The following STK39 variants were observed in gnomAD, a reference collection of about 807,000 sequenced individuals.
The protein encoded by STK39 is STE20/SPS1-related proline-alanine-rich protein kinase.
STK39 carries 20 observed loss-of-function variants against 77.8 expected under a neutral mutation model. That is an observed-to-expected ratio of 0.26 (90% CI 0.18 to 0.37). The LOEUF (loss-of-function observed/expected upper bound fraction) is 0.37, where lower values mean the gene tolerates loss of function less well. Among genes scored for constraint, STK39 ranks in the 10% least tolerant of loss-of-function variants. The pLI, the probability that STK39 is intolerant of heterozygous loss-of-function variation, is 1.00. For synonymous variants in STK39, 246 were observed against 234.1 expected (o/e 1.05, Z -0.47); for missense variants, 479 against 656.5 (o/e 0.73, Z 2.95).
intron 1 of STK39, among the ~76,000 whole-genome samples, chr2:168,188,827 A>G (rs1340303944): frequency 3.3e-5 from 5 of 152,250 alleles, no homozygotes; most frequent in African/African-American, 1.2e-4. Flanking sequence ...ACGGTGAGAC[A>G]CACACAACTT....
chr2:168,132,670 T>A (rs930975368), intron 8 of STK39, among the ~76,000 whole-genome samples: 7 of 152,110 alleles, frequency 4.6e-5, no homozygotes, highest in Non-Finnish European at 7.4e-5. Context: ...CAAAGATACC[T>A]CTCCTAGCTC....
intron 16 of STK39, among the ~76,000 whole-genome samples, chr2:167,983,582 C>A (rs1471372418): frequency 6.6e-6 from 1 of 151,754 alleles, no homozygotes; most frequent in Non-Finnish European, 1.5e-5. Context: ...AGGGATGGAG[C>A]CTCTCTCTTT....
intron 1 of STK39, among the ~76,000 whole-genome samples, chr2:168,224,323 A>T (rs1690253211): frequency 6.6e-6 from 1 of 152,172 alleles, no homozygotes; most frequent in South Asian, 2.1e-4. Context: ...GCTTATAAAG[A>T]CCCATCAGCA....
intron 14 of STK39, among the ~76,000 whole-genome samples, chr2:168,039,954 T>C (rs1685061254): frequency 6.6e-6 from 1 of 152,200 alleles, no homozygotes; most frequent in South Asian, 2.1e-4. Flanking sequence ...ATTCAGGCAC[T>C]GCCTCCCTTG....
Position 168,016,741 on chromosome 2 carries a change from A to G in STK39, c.1429+302T>C, listed in dbSNP as rs551198662. Among the ~76,000 whole-genome samples the G allele has an allele frequency of 9.9e-5, 15 of 152,194 alleles. No individual in the cohort carries two copies. The South Asian group carries it at 3.1e-3, about 32-fold the overall frequency. On this transcript the variant is annotated intron_variant, in intron 15 of 17. Coordinates refer to ENST00000355999, the MANE Select transcript of STK39 (RefSeq NM_013233.3). ...CTGTGGTATGCTTCTCATCACATTC[A>G]CCATCATTTCCTTTAGGGCCTGCAT...
intron 15 of STK39, among the ~76,000 whole-genome samples, chr2:168,015,389 T>C (rs1003326061): frequency 1.3e-5 from 2 of 152,230 alleles, no homozygotes; most frequent in Admixed American, 1.3e-4. Flanking sequence ...ACAGCATCAA[T>C]AGTCACAGAG....
intron 12 of STK39, among the ~76,000 whole-genome samples, chr2:168,071,578 C>CT (rs1428452254): frequency 6.6e-6 from 1 of 152,086 alleles, no homozygotes; most frequent in Admixed American, 6.6e-5. Context: ...CTATTGATAG[C>CT]AACTACAAAA....
chr2:168,146,543 G>A (rs2105546480), intron 5 of STK39, among the ~76,000 whole-genome samples: 1 of 152,292 alleles, frequency 6.6e-6, no homozygotes, highest in Admixed American at 6.5e-5. Flanking sequence ...AGGGGACCCT[G>A]AGAGTTCTTT....
At chr2:168,062,598 T>C (rs947948257) in intron 14 of STK39, among the ~76,000 whole-genome samples, 10 of 152,138 alleles carry the variant, frequency 6.6e-5, no homozygotes, top group Admixed American at 5.9e-4. Flanking sequence ...CTATGATAAC[T>C]CAGAGGGGTG....
intron 2 of STK39, among the ~76,000 whole-genome samples, chr2:168,170,996 C>T (rs1688809614): frequency 6.6e-6 from 1 of 152,216 alleles, no homozygotes; most frequent in Non-Finnish European, 1.5e-5. Context: ...AACACATTTG[C>T]CAAAAATATA....
intron 10 of STK39, among the ~76,000 whole-genome samples, chr2:168,127,731 G>C (rs1490494963): frequency 6.6e-6 from 1 of 152,008 alleles, no homozygotes; most frequent in Non-Finnish European, 1.5e-5. Flanking sequence ...AACCACTTTT[G>C]AGCAACTAAG....
chr2:167,964,078 C>A (rs1197678836), intron 17 of STK39, among the ~76,000 whole-genome samples: 1 of 152,206 alleles, frequency 6.6e-6, no homozygotes, highest in African/African-American at 2.4e-5. Context: ...CTCTGTATCT[C>A]TGTGGCCACC....
chr2:168,238,621 CTGTT>C (rs1275571037), intron 1 of STK39, among the ~76,000 whole-genome samples: 2 of 152,212 alleles, frequency 1.3e-5, no homozygotes, highest in South Asian at 2.1e-4. Context: ...TCTCAAATAA[CTGTT>C]TGGCAAGTGA....
At chr2:167,969,659 A>T (rs938809925) in intron 16 of STK39, among the ~76,000 whole-genome samples, 13 of 152,196 alleles carry the variant, frequency 8.5e-5, no homozygotes, top group African/African-American at 2.9e-4. Flanking sequence ...ACATACGCAG[A>T]AACGAATGAC....
chr2:168,130,478 G>A (rs1687651302), intron 8 of STK39, among the ~76,000 whole-genome samples: 1 of 152,134 alleles, frequency 6.6e-6, no homozygotes, highest in South Asian at 2.1e-4. Context: ...TCTTACAGCA[G>A]CACCTCAGAG....
intron 1 of STK39, chr2:168,231,909 G>T: frequency 4.2e-6 from 1 of 235,432 alleles, no homozygotes. Context: ...GGAGGAAGGG[G>T]CCACCCACCA....
chr2:168,134,157 A>T (rs1332512449), intron 8 of STK39, among the ~76,000 whole-genome samples: 1 of 152,224 alleles, frequency 6.6e-6, no homozygotes, highest in Non-Finnish European at 1.5e-5. Flanking sequence ...AAATGCTAAA[A>T]TGTTACCAGC....
At chr2:168,139,408 T>TTATATA (rs71003023) in intron 7 of STK39, among the ~76,000 whole-genome samples, 2 of 144,494 alleles carry the variant, frequency 1.4e-5, no homozygotes, top group African/African-American at 5.3e-5. Flanking sequence ...TAAAAAAAAT[T>TTATATA]TATATATATA....
At position 168,247,409 on chromosome 2, in the gene STK39, C is replaced by G. The variant is rs778655632; in HGVS notation, c.27G>C (p.Val9=). The part of the protein sequence containing the change: MAEPSGSP[V]HVQLPQQAAP... ...CCGCCTGCTGGGGAAGCTGGACGTGCACGGGCGAGCCGCTCGGCTCCGCCA... is the reference window on the plus strand; with the variant it reads ...CCGCCTGCTGGGGAAGCTGGACGTGGACGGGCGAGCCGCTCGGCTCCGCCA... The change falls in exon 1 of 18, where the codon GTG becomes GTC. Residue 9 remains valine (V), a synonymous_variant. Transcript: ENST00000355999. The G allele has an allele frequency of 1.7e-6, 2 of 1,207,106 alleles. No individual in the cohort carries two copies. The highest frequency in any genetic ancestry group is 3.4e-5 in the Admixed American group (1 of 29,068). 74.8% of individuals were successfully genotyped at this position (1,207,106 alleles called of 1,614,324 possible). A position where few individuals can be genotyped will look rare whatever the true frequency, so the allele number is the denominator to read the frequency against.
Sources: gnomAD v4.1 joint callset for allele counts (sites outside exome capture counted in the v4.1 genomes callset) on GRCh38, gnomAD v4.1.1 for gene constraint, MANE v1.5 for transcripts, NCBI Gene and HGNC (gene_info 2026-07-23, HGNC 2026-07-21) for gene names.